FAM186A: variants seen among roughly 807,000 people sequenced by gnomAD.
The protein encoded by FAM186A is protein FAM186A.
A neutral mutation model predicts 216.8 loss-of-function variants in FAM186A; 163 were observed. That is an observed-to-expected ratio of 0.75 (90% CI 0.66 to 0.86). The LOEUF (loss-of-function observed/expected upper bound fraction) is 0.86. Ranked by LOEUF, FAM186A falls within the 40% of genes least tolerant of loss-of-function variation. The probability of loss-of-function intolerance (pLI) is 0.00; values close to 1 mark genes in which losing one functional copy is unlikely to be tolerated. For synonymous variants in FAM186A, 805 were observed against 1,025.3 expected (o/e 0.79, Z 4.10); for missense variants, 2,184 against 2,746.2 (o/e 0.80, Z 4.58).
In FAM186A at chr12:50,364,146, A is replaced by G. The variant is rs1943064570; in HGVS notation, c.193-782T>C. 2.0e-5 allele frequency among the ~76,000 whole-genome samples: 3 copies of G among 152,332 alleles called. No homozygotes were observed. The South Asian group carries it at 6.2e-4, about 32-fold the overall frequency. ...CCTACAGTGCAGTGGACAGTATCAC[A>G]CAGTGAAGAACTGTCTCAAATCCTG... On this transcript the variant is annotated intron_variant, in intron 1 of 7. Transcript: ENST00000327337.
chr12:50,386,052 A>G (rs1161186566), intron 1 of FAM186A, among the ~76,000 whole-genome samples: 4 of 152,204 alleles, frequency 2.6e-5, no homozygotes, highest in African/African-American at 4.8e-5. Context: ...TTTATTATAC[A>G]TCATGATAAC....
intron 1 of FAM186A, among the ~76,000 whole-genome samples, chr12:50,381,577 A>G (rs906588741): frequency 1.3e-5 from 2 of 152,210 alleles, no homozygotes. Flanking sequence ...AATTAAATGT[A>G]ATGAAGAGAT....
intron 1 of FAM186A, among the ~76,000 whole-genome samples, chr12:50,387,658 C>T (rs748544546): frequency 1.3e-5 from 2 of 152,130 alleles, no homozygotes; most frequent in Non-Finnish European, 2.9e-5. Flanking sequence ...TTGCTTCACC[C>T]TAATATTACT....
intron 1 of FAM186A, among the ~76,000 whole-genome samples, chr12:50,396,030 T>C (rs950188506): frequency 1.3e-5 from 2 of 152,236 alleles, no homozygotes; most frequent in African/African-American, 4.8e-5. Flanking sequence ...CCCAAAGTGC[T>C]GGGATTACAG....
At chr12:50,347,452 T>TG (rs1299030660) in intron 4 of FAM186A, among the ~76,000 whole-genome samples, 1 of 151,904 alleles carries the variant, frequency 6.6e-6, no homozygotes, top group Non-Finnish European at 1.5e-5. Flanking sequence ...AAATAATAGC[T>TG]GGGCGCGGTG....
At chr12:50,341,679 A>G (rs147806677) in intron 4 of FAM186A, among the ~76,000 whole-genome samples, 291 of 152,266 alleles carry the variant, frequency 1.9e-3, no homozygotes, top group African/African-American at 6.7e-3. Flanking sequence ...TACTAAAAAT[A>G]CAAAAATTAG....
chr12:50,395,809 T>G (rs780387952), intron 1 of FAM186A, among the ~76,000 whole-genome samples: 3 of 152,132 alleles, frequency 2.0e-5, no homozygotes, highest in Non-Finnish European at 1.5e-5. Context: ...TTGCCCAGGC[T>G]GGAGTGCAAT....
At position 50,349,445 on chromosome 12, in the gene FAM186A, T is replaced by G. The variant is rs905304812; in HGVS notation, c.6503+884A>C. Among the ~76,000 whole-genome samples, 7 of 152,200 alleles carry G rather than the reference T, an allele frequency of 4.6e-5. No individual in the cohort carries two copies. In the East Asian group the frequency reaches 1.4e-3, roughly 29 times the overall value. On this transcript the variant is annotated intron_variant, in intron 4 of 7. Transcript: ENST00000327337. ...CTCAAGTGATCCTCCCCCCTCAGAC[T>G]TCCAAAGTGCTGGGATTACAGGCGT...
intron 4 of FAM186A, among the ~76,000 whole-genome samples, chr12:50,344,952 T>C (rs1473421927): frequency 1.3e-5 from 2 of 152,000 alleles, no homozygotes; most frequent in East Asian, 1.9e-4. Context: ...AGTGAGACCA[T>C]GTCAAAAAAC....
At chr12:50,362,312 C>T (rs534190999) in intron 2 of FAM186A, among the ~76,000 whole-genome samples, 1 of 152,156 alleles carries the variant, frequency 6.6e-6, no homozygotes, top group Non-Finnish European at 1.5e-5. Context: ...TCTACTCTGA[C>T]GTGTGCTATT....
rs1277715095 is a variant in FAM186A, at chr12:50,331,783, G to A, written c.6735C>T (p.Ile2245=). 1 of 1,544,800 alleles carries A rather than the reference G, an allele frequency of 6.5e-7. No individual in the cohort carries two copies. Among genetic ancestry groups the A allele is most frequent in the South Asian group, 1.2e-5 (1 of 82,184 alleles). Residue 2245 remains isoleucine, a synonymous_variant, in exon 6 of 8, where the codon ATC becomes ATT. Coordinates refer to ENST00000327337, the MANE Select transcript of FAM186A (RefSeq NM_001145475.3). ...TCTGCTTTTCTTCGATGATTAAGGG[G>A]ATAGGTTGACTAAGATTCAATTCAT... ...KIHELNLSQP[I]PLIIEEKQIP...
intron 1 of FAM186A, among the ~76,000 whole-genome samples, chr12:50,392,854 G>T (rs1371366317): frequency 1.4e-5 from 2 of 142,034 alleles, no homozygotes; most frequent in Non-Finnish European, 3.0e-5. Context: ...CTCATGATCC[G>T]CCCGCCCCAG....
chr12:50,383,571 G>T (rs1943274815), intron 1 of FAM186A, among the ~76,000 whole-genome samples: 1 of 152,026 alleles, frequency 6.6e-6, no homozygotes, highest in Non-Finnish European at 1.5e-5. Flanking sequence ...ACTCCAGCCT[G>T]GGCAACAGAG....
intron 3 of FAM186A, among the ~76,000 whole-genome samples, chr12:50,358,361 G>A (rs1261984674): frequency 2.6e-5 from 4 of 151,274 alleles, no homozygotes; most frequent in South Asian, 2.1e-4. Flanking sequence ...CAGGAGGATC[G>A]TTTGAGCTCA....
chr12:50,340,038 A>T (rs1307207702), intron 4 of FAM186A, among the ~76,000 whole-genome samples: 2 of 152,000 alleles, frequency 1.3e-5, no homozygotes, highest in East Asian at 3.9e-4. Context: ...GGGTTTCACC[A>T]TGTTGGTCAG....
intron 6 of FAM186A, 57 bp downstream of exon 6, chr12:50,331,613 A>G (rs1942656693): frequency 1.3e-6 from 2 of 1,493,200 alleles, no homozygotes; most frequent in Non-Finnish European, 1.8e-6. Context: ...GGCAGGGAAA[A>G]AAAAATTAGG....
chr12:50,363,892 G>T (rs1202766489), intron 1 of FAM186A, among the ~76,000 whole-genome samples: 1 of 151,844 alleles, frequency 6.6e-6, no homozygotes, highest in Non-Finnish European at 1.5e-5. Flanking sequence ...TATCTCCTTT[G>T]CTCAAGAATC....
intron 4 of FAM186A, among the ~76,000 whole-genome samples, chr12:50,346,818 G>C (rs903296024): frequency 2.0e-5 from 3 of 151,956 alleles, no homozygotes; most frequent in Non-Finnish European, 4.4e-5. Context: ...CTGCACTCCA[G>C]CCTGGGCAGC....
intron 1 of FAM186A, among the ~76,000 whole-genome samples, chr12:50,381,694 A>G (rs1391792853): frequency 6.6e-6 from 1 of 152,238 alleles, no homozygotes; most frequent in Admixed American, 6.5e-5. Context: ...AGGCAGGTTT[A>G]CATGATTGTA....
Sources: allele counts gnomAD v4.1 joint callset (sites outside exome capture counted in the v4.1 genomes callset), GRCh38; gene constraint gnomAD v4.1.1; transcripts MANE v1.5; gene names NCBI Gene and HGNC (gene_info 2026-07-23, HGNC 2026-07-21).